The following NLN variants were observed in gnomAD, a reference collection of about 807,000 sequenced individuals.
The protein encoded by NLN is neurolysin, also known as neurolysin, mitochondrial.
Under a neutral mutation model 79.9 loss-of-function variants are expected in NLN, and 64 were observed. The ratio of observed to expected loss-of-function variants is 0.80; its 90% CI spans 0.65 to 0.99. NLN has a LOEUF of 0.99. Among genes scored for constraint, NLN ranks in the 50% least tolerant of loss-of-function variants. NLN has a pLI of 0.00. For synonymous variants in NLN, 267 were observed against 296.6 expected (o/e 0.90, Z 1.02); for missense variants, 835 against 858.7 (o/e 0.97, Z 0.34).
intron 9 of NLN, among the ~76,000 whole-genome samples, chr5:65,807,336 C>T (rs1229065277): frequency 1.3e-5 from 2 of 152,100 alleles, no homozygotes; most frequent in Admixed American, 6.5e-5. Flanking sequence ...CAAGACCCTC[C>T]ACCAGCAAAA....
intron 12 of NLN, among the ~76,000 whole-genome samples, chr5:65,816,163 C>G (rs957597019): frequency 6.6e-6 from 1 of 151,932 alleles, no homozygotes; most frequent in African/African-American, 2.4e-5. Flanking sequence ...TGCACTCCAG[C>G]CTGGGCAACA....
chr5:65,800,834 GAAT>G lies in NLN; in HGVS notation c.1527+8180_1527+8182del, dbSNP rs1760271447. Among the ~76,000 whole-genome samples the G allele has an allele frequency of 2.6e-5, 4 of 151,964 alleles. No individual in the cohort carries two copies. In the South Asian group the frequency reaches 6.2e-4, roughly 24 times the overall value. On this transcript the variant is annotated intron_variant, in intron 9 of 12. Coordinates refer to ENST00000380985, the MANE Select transcript of NLN (RefSeq NM_020726.5). ...GACTCCTGAGTAGCTGAGACTACAG[GAAT>G]GCACCACCATGCCCAGCTAATTTTT...
At chr5:65,815,500 C>A (rs1215750367) in intron 12 of NLN, among the ~76,000 whole-genome samples, 2 of 152,200 alleles carry the variant, frequency 1.3e-5, no homozygotes, top group African/African-American at 4.8e-5. Flanking sequence ...CTGGATTCAG[C>A]AGTGCTGTTA....
intron 6 of NLN, among the ~76,000 whole-genome samples, chr5:65,784,436 T>C (rs1759870351): frequency 6.6e-6 from 1 of 152,190 alleles, no homozygotes; most frequent in Admixed American, 6.5e-5. Flanking sequence ...CGAAGTAATT[T>C]ATGAACAATA....
intron 2 of NLN, among the ~76,000 whole-genome samples, chr5:65,759,255 T>G (rs1035523908): frequency 6.6e-6 from 1 of 152,144 alleles, no homozygotes; most frequent in South Asian, 2.1e-4. Context: ...TCTGTAATGC[T>G]GTATAACCAT....
At chr5:65,776,229 G>C (rs1183833994) in intron 3 of NLN, among the ~76,000 whole-genome samples, 1 of 152,212 alleles carries the variant, frequency 6.6e-6, no homozygotes, top group Non-Finnish European at 1.5e-5. Flanking sequence ...ACTCCAGCCT[G>C]GGTGACAGAG....
chr5:65,752,619 C>T (rs562542786), intron 1 of NLN, among the ~76,000 whole-genome samples: 7 of 152,116 alleles, frequency 4.6e-5, no homozygotes, highest in East Asian at 3.9e-4. Flanking sequence ...TGCAGAGGCA[C>T]GGAAGGGGAA....
chr5:65,811,118 T>A (rs1385732460), intron 11 of NLN, among the ~76,000 whole-genome samples: 1 of 152,218 alleles, frequency 6.6e-6, no homozygotes, highest in Non-Finnish European at 1.5e-5. Context: ...TATTTGTATG[T>A]GTATGTTTTA....
chr5:65,723,293 C>T (rs903595769), intron 1 of NLN, among the ~76,000 whole-genome samples: 6 of 152,162 alleles, frequency 3.9e-5, no homozygotes, highest in Admixed American at 1.3e-4. Context: ...CATTGCCACT[C>T]GTCTGTGTGG....
chr5:65,788,242 A>G lies in NLN; in HGVS notation c.1083A>G (p.Leu361=), dbSNP rs201535326. The G allele has an allele frequency of 3.3e-5, 54 of 1,614,074 alleles. No homozygotes were observed. Among genetic ancestry groups the G allele is most frequent in the Non-Finnish European group, 3.8e-5 (45 of 1,180,028 alleles). Residue 361 remains leucine, a synonymous_variant, in exon 8 of 13, where the codon CTA becomes CTG. Coordinates refer to ENST00000380985, the MANE Select transcript of NLN (RefSeq NM_020726.5). ...ATGGGAAAATCAATGCCTGGGATCT[A>G]TATTACTACATGACTCAGACAGAGG... ...EYDGKINAWD[L]YYYMTQTEEL...
At chr5:65,784,334 T>C (rs1277169106) in intron 6 of NLN, among the ~76,000 whole-genome samples, 3 of 152,240 alleles carry the variant, frequency 2.0e-5, no homozygotes, top group Non-Finnish European at 4.4e-5. Context: ...ATATTTGTAA[T>C]GTTAATTTGG....
At chr5:65,793,974 A>C (rs1453867355) in intron 9 of NLN, among the ~76,000 whole-genome samples, 1 of 152,234 alleles carries the variant, frequency 6.6e-6, no homozygotes, top group East Asian at 1.9e-4. Flanking sequence ...CTTTATACAG[A>C]GAATCTTCTT....
chr5:65,782,604 A>C (rs1367974969), intron 6 of NLN, among the ~76,000 whole-genome samples: 2 of 152,242 alleles, frequency 1.3e-5, no homozygotes, highest in Non-Finnish European at 2.9e-5. Context: ...TCATGTCTGC[A>C]GTTCAGTAAC....
Position 65,762,952 on chromosome 5 carries a change from A to G in NLN, c.302-8A>G. 6.2e-7 allele frequency: 1 copy of G among 1,612,124 alleles called. No homozygotes were observed. The highest frequency in any genetic ancestry group is 8.5e-7 in the Non-Finnish European group (1 of 1,179,252). ...TTGTGTGGTGATAGTTTTTTTCTCC[A>G]TCTGCAGTGGAAAGGACCATGCTAG... On this transcript the variant is annotated splice_polypyrimidine_tract_variant and splice_region_variant and intron_variant, in intron 2 of 12. Coordinates refer to ENST00000380985, the MANE Select transcript of NLN (RefSeq NM_020726.5).
chr5:65,803,417 C>T (rs13357053), intron 9 of NLN, among the ~76,000 whole-genome samples: 22,283 of 152,192 alleles, frequency 0.15, 1,879 homozygotes, highest in African/African-American at 0.23. Context: ...CATGTCAGTG[C>T]TGTCCTGAGC....
Position 65,822,967 on chromosome 5 carries a change from A to G in NLN, c.*52A>G, listed in dbSNP as rs936424091. On this transcript the variant is annotated 3_prime_UTR_variant, in exon 13 of 13. Transcript: ENST00000380985. Reference sequence around the variant, plus strand: ...GTCTGGAGGACAAGTCGACATCACCATGTGTTACTGGCCTGGAAACTGAAG... The same window carrying G: ...GTCTGGAGGACAAGTCGACATCACCGTGTGTTACTGGCCTGGAAACTGAAG... 1 of 1,505,868 alleles carries G rather than the reference A, an allele frequency of 6.6e-7. No individual in the cohort carries two copies. 93.3% of individuals were successfully genotyped at this position (1,505,868 alleles called of 1,614,324 possible).
intron 1 of NLN, among the ~76,000 whole-genome samples, chr5:65,751,520 T>C (rs1337790851): frequency 6.6e-6 from 1 of 152,212 alleles, no homozygotes; most frequent in African/African-American, 2.4e-5. Flanking sequence ...TAGTTTCATT[T>C]AGAATATAAA....
chr5:65,803,641 C>A (rs936183921), intron 9 of NLN, among the ~76,000 whole-genome samples: 17 of 151,700 alleles, frequency 1.1e-4, no homozygotes, highest in African/African-American at 4.1e-4. Context: ...CAGGGATGCC[C>A]AGGTCTGCAT....
intron 12 of NLN, among the ~76,000 whole-genome samples, chr5:65,819,373 T>A (rs1464254294): frequency 6.6e-6 from 1 of 152,170 alleles, no homozygotes; most frequent in Admixed American, 6.6e-5. Flanking sequence ...GCCCAGAAAC[T>A]GAGTGAGGTA....
Sources: allele counts gnomAD v4.1 joint callset (sites outside exome capture counted in the v4.1 genomes callset), GRCh38; gene constraint gnomAD v4.1.1; transcripts MANE v1.5; gene names NCBI Gene and HGNC (gene_info 2026-07-23, HGNC 2026-07-21).